ALK: variants seen among roughly 807,000 people sequenced by gnomAD.
ALK encodes the protein ALK tyrosine kinase receptor.
ALK carries 74 observed loss-of-function variants against 163.1 expected under a neutral mutation model. That is an observed-to-expected ratio of 0.45 (90% CI 0.38 to 0.55). ALK has a LOEUF of 0.55. ALK is among the 20% of genes least tolerant of loss of function. The pLI is 0.00. For missense variants in ALK, 2,063 were observed against 2,105.3 expected (o/e 0.98, Z 0.39); for synonymous variants, 960 against 843.2 (o/e 1.14, Z -2.40).
At chr2:29,440,342 G>A (rs114687562) in intron 4 of ALK, among the ~76,000 whole-genome samples, 3,584 of 135,342 alleles carry the variant, frequency 0.026, 167 homozygotes, top group African/African-American at 0.094. Flanking sequence ...TTTTTGAGAC[G>A]GAGTCTCTGT....
In ALK at chr2:29,604,257, G is replaced by A. The variant is rs535852608; in HGVS notation, c.953-72141C>T. Reference sequence around the variant, plus strand: ...GAGGATTACGTGAAATTCAAATTTCGGTGTTCATAAGTAAGGTTTTGTTGG... The same window carrying A: ...GAGGATTACGTGAAATTCAAATTTCAGTGTTCATAAGTAAGGTTTTGTTGG... On this transcript the variant is annotated intron_variant, in intron 3 of 28. Transcript: ENST00000389048. 3.3e-5 allele frequency among the ~76,000 whole-genome samples: 5 copies of A among 150,660 alleles called. No homozygotes were observed. In the South Asian group the frequency reaches 6.4e-4, roughly 19 times the overall value.
intron 1 of ALK, among the ~76,000 whole-genome samples, chr2:29,884,046 G>C (rs1440328859): frequency 1.3e-5 from 2 of 152,180 alleles, no homozygotes; most frequent in African/African-American, 4.8e-5. Flanking sequence ...GTGAACAAAT[G>C]TAAAGATGCA....
intron 4 of ALK, among the ~76,000 whole-genome samples, chr2:29,475,726 T>G (rs1671500475): frequency 6.6e-6 from 1 of 152,160 alleles, no homozygotes; most frequent in African/African-American, 2.4e-5. Flanking sequence ...GCTGGAAATT[T>G]AAGACAGCCT....
Position 29,283,114 on chromosome 2 carries a change from T to C in ALK, c.1818-7618A>G, listed in dbSNP as rs78542702. ...ACCTACAGTCAAATGCCAAGTGCCC[T>C]AGGGAAGGATTCAAGTGCCTCTTGG... On this transcript the variant is annotated intron_variant, in intron 9 of 28. Coordinates refer to ENST00000389048, the MANE Select transcript of ALK (RefSeq NM_004304.5). Among the ~76,000 whole-genome samples the C allele has an allele frequency of 7.0e-3, 1,067 of 152,306 alleles. 12 individuals are homozygous for C. The highest frequency in any genetic ancestry group is 0.024 in the African/African-American group (1,012 of 41,556).
chr2:29,447,298 G>T (rs1338020718), intron 4 of ALK, among the ~76,000 whole-genome samples: 1 of 152,162 alleles, frequency 6.6e-6, no homozygotes, highest in Non-Finnish European at 1.5e-5. Context: ...AATCTCTCTG[G>T]CAGGTACAGC....
In ALK at chr2:29,320,823, C is replaced by G. The variant is rs1667014493; in HGVS notation, c.1474G>C (p.Gly492Arg). 5 of 1,614,150 alleles carry G rather than the reference C, an allele frequency of 3.1e-6. No homozygotes were observed. Among genetic ancestry groups the G allele is most frequent in the Non-Finnish European group, 3.4e-6 (4 of 1,180,018 alleles). ...TGAGGAGTGTGGGGTGACAGTGTGC[C>G]TTGGGTCCAGCCACAGAAGCCATCT... ...FEDGFCGWTQ[G>R]TLSPHTPQWQ... Residue 492 changes from glycine (G) to arginine (R), a missense_variant, in exon 7 of 29, where the codon GGC becomes CGC. By Grantham distance (125) the Gly-to-Arg change is moderately radical. Coordinates refer to ENST00000389048, the MANE Select transcript of ALK (RefSeq NM_004304.5).
At chr2:29,219,150 G>C (rs1669716549) in intron 23 of ALK, among the ~76,000 whole-genome samples, 1 of 152,196 alleles carries the variant, frequency 6.6e-6, no homozygotes, top group South Asian at 2.1e-4. Context: ...GGGTGGTGTT[G>C]AGAAATGTGA....
chr2:29,350,171 G>T (rs1668074904), intron 5 of ALK, among the ~76,000 whole-genome samples: 1 of 152,206 alleles, frequency 6.6e-6, no homozygotes, highest in Non-Finnish European at 1.5e-5. Context: ...CAGGGTTTCT[G>T]GGATTAGAAC....
Position 29,226,731 on chromosome 2 carries a change from TA to T in ALK, c.3067+190del, listed in dbSNP as rs1477842238. On this transcript the variant is annotated intron_variant, in intron 18 of 28. Coordinates refer to ENST00000389048, the MANE Select transcript of ALK (RefSeq NM_004304.5). The stretch of plus-strand genomic sequence containing the variant: ...GGCTTATTCTATAGTAGAGGATTTT[TA>T]AGACTCCTTCAGGAGCCATGACCCA... Among the ~76,000 whole-genome samples, 5 of 152,260 alleles carry T rather than the reference TA, an allele frequency of 3.3e-5. No homozygotes were observed. The East Asian group carries it at 9.7e-4, about 29-fold the overall frequency.
At chr2:29,856,680 C>T (rs991519300) in intron 1 of ALK, among the ~76,000 whole-genome samples, 6 of 152,128 alleles carry the variant, frequency 3.9e-5, no homozygotes, top group African/African-American at 1.4e-4. Context: ...ACGATGTGCA[C>T]AAAATGACTG....
At chr2:29,362,402 A>T (rs1668407526) in intron 5 of ALK, among the ~76,000 whole-genome samples, 1 of 152,230 alleles carries the variant, frequency 6.6e-6, no homozygotes, top group Non-Finnish European at 1.5e-5. Context: ...TGGTTCTTGC[A>T]TACAAGGAGC....
At position 29,649,428 on chromosome 2, in the gene ALK, T is replaced by C. The variant is rs1348508185; in HGVS notation, c.952+45422A>G. 2.6e-5 allele frequency among the ~76,000 whole-genome samples: 4 copies of C among 152,292 alleles called. No individual in the cohort carries two copies. In the South Asian group the frequency reaches 8.3e-4, roughly 32 times the overall value. On this transcript the variant is annotated intron_variant, in intron 3 of 28. Transcript: ENST00000389048. ...CAAATATCTGTTGATCCTTGGTTGT[T>C]CTTTATGAAAAATTCAAAGCCAATT...
At chr2:29,758,968 C>A (rs1318883799) in intron 1 of ALK, among the ~76,000 whole-genome samples, 2 of 152,106 alleles carry the variant, frequency 1.3e-5, no homozygotes, top group Non-Finnish European at 2.9e-5. Flanking sequence ...CAGGCTAAAT[C>A]TTGCTTTTTT....
intron 1 of ALK, among the ~76,000 whole-genome samples, chr2:29,857,803 C>T (rs540885249): frequency 1.3e-3 from 201 of 152,288 alleles, no homozygotes; most frequent in African/African-American, 4.1e-3. Context: ...TCAACAAATA[C>T]CACTAGGCAA....
intron 1 of ALK, among the ~76,000 whole-genome samples, chr2:29,909,480 C>CAGGGAGAG: frequency 7.4e-6 from 1 of 135,980 alleles, no homozygotes; most frequent in South Asian, 2.6e-4. Flanking sequence ...GACAGACAGA[C>CAGGGAGAG]AGAGAGAGAG....
At chr2:29,874,613 T>C (rs13020484) in intron 1 of ALK, among the ~76,000 whole-genome samples, 69,305 of 152,034 alleles carry the variant, frequency 0.46, 16,590 homozygotes, top group Non-Finnish European at 0.51. Flanking sequence ...CATTTCTCAA[T>C]ATGCCAGGAA....
chr2:29,384,362 T>C (rs1247893023), intron 4 of ALK, among the ~76,000 whole-genome samples: 1 of 152,218 alleles, frequency 6.6e-6, no homozygotes, highest in Non-Finnish European at 1.5e-5. Flanking sequence ...AAGAACTATT[T>C]ATTTACTGCA....
chr2:29,904,330 AC>A (rs1397887892), intron 1 of ALK, among the ~76,000 whole-genome samples: 1 of 152,090 alleles, frequency 6.6e-6, no homozygotes, highest in East Asian at 1.9e-4. Flanking sequence ...GGTAACTTTC[AC>A]TCTTAGAGCA....
chr2:29,329,849 C>T (rs1339447668), intron 5 of ALK, among the ~76,000 whole-genome samples: 1 of 152,198 alleles, frequency 6.6e-6, no homozygotes, highest in East Asian at 1.9e-4. Context: ...GGAAACTAGA[C>T]AGGTCTTAAT....
Sources: allele counts gnomAD v4.1 joint callset (sites outside exome capture counted in the v4.1 genomes callset), GRCh38; gene constraint gnomAD v4.1.1; transcripts MANE v1.5; gene names NCBI Gene and HGNC (gene_info 2026-07-23, HGNC 2026-07-21).